Variants in EML6 observed in about 807,000 individuals in gnomAD.
EML6 encodes the protein EMAP like 6.
In EML6, 154 loss-of-function variants were observed where a neutral mutation model predicts 240.1. The observed-to-expected ratio is 0.64, with a 90% CI of 0.56 to 0.73. The LOEUF (loss-of-function observed/expected upper bound fraction) is 0.73. Among genes scored for constraint, EML6 ranks in the 30% least tolerant of loss-of-function variants. The pLI, the probability that EML6 is intolerant of heterozygous loss-of-function variation, is 0.00. For missense variants in EML6, 2,964 were observed against 2,474.6 expected, an observed-to-expected ratio of 1.20 and a Z score of -4.20; for synonymous variants, 1,148 against 899.0, an observed-to-expected ratio of 1.28 and a Z score of -4.95.
At chr2:54,949,475 C>T (rs1675863145) in intron 29 of EML6, among the ~76,000 whole-genome samples, 2 of 152,132 alleles carry the variant, frequency 1.3e-5, no homozygotes, top group Non-Finnish European at 2.9e-5. Context: ...AGGGAGTTAT[C>T]AGGTCCCAAG....
intron 23 of EML6, 36 bp downstream of exon 23, chr2:54,903,232 A>T (rs1436237258): frequency 5.2e-6 from 8 of 1,543,506 alleles, no homozygotes; most frequent in Non-Finnish European, 7.0e-6. Flanking sequence ...AAAATAGCAC[A>T]GTCTTGGGAC....
At chr2:54,838,888 C>A (rs1051809571) in intron 7 of EML6, among the ~76,000 whole-genome samples, 1 of 152,172 alleles carries the variant, frequency 6.6e-6, no homozygotes, top group Non-Finnish European at 1.5e-5. Context: ...ATGTGTATTT[C>A]TCCAGGAAAG....
Position 54,929,715 on chromosome 2 carries a change from CTCCTCCTCCTCCTGCTTA to C in EML6, c.4004+965_4004+982del, listed in dbSNP as rs1674754281. ...TAACCTCCTCCTCCTCCTCCTCCTC[CTCCTCCTCCTCCTGCTTA>C]AATTCAGTGCCAGATGTTAAAATAA... On this transcript the variant is annotated intron_variant, in intron 28 of 41. Transcript: ENST00000356458. 2.6e-5 allele frequency among the ~76,000 whole-genome samples: 4 copies of C among 151,880 alleles called. No homozygotes were observed. In the South Asian group the frequency reaches 8.3e-4, roughly 32 times the overall value.
chr2:54,852,376 ACTTCAT>A (rs1670137612), intron 10 of EML6, among the ~76,000 whole-genome samples: 1 of 152,160 alleles, frequency 6.6e-6, no homozygotes, highest in African/African-American at 2.4e-5. Context: ...GCTTGACGTT[ACTTCAT>A]ATATTTTTTC....
rs1017275025 is a variant in EML6 at position 54,816,354 on chromosome 2, TTATTC to T, written c.358-427_358-423del. On this transcript the variant is annotated intron_variant, in intron 3 of 41. Coordinates refer to ENST00000356458, the MANE Select transcript of EML6 (RefSeq NM_001039753.4). Reference sequence around the variant, plus strand: ...TAGAAAACTAAAAATTAATGTTCATTTATTCTATTCGTCAAACCCTTAAATTTTAG... The same window carrying T: ...TAGAAAACTAAAAATTAATGTTCATTTATTCGTCAAACCCTTAAATTTTAG... Among the ~76,000 whole-genome samples the T allele has an allele frequency of 8.3e-4, 126 of 152,330 alleles. 1 individual carries two copies. Among genetic ancestry groups the T allele is most frequent in the African/African-American group, 2.7e-3 (114 of 41,564 alleles).
At chr2:54,931,863 A>T (rs1292114217) in intron 28 of EML6, among the ~76,000 whole-genome samples, 2 of 152,230 alleles carry the variant, frequency 1.3e-5, no homozygotes, top group Non-Finnish European at 2.9e-5. Context: ...AGAAACCTTG[A>T]GATGACTGTA....
At chr2:54,948,594 T>TCCTGCTCCC (rs1022689641) in intron 28 of EML6, among the ~76,000 whole-genome samples, 3 of 152,208 alleles carry the variant, frequency 2.0e-5, no homozygotes, top group African/African-American at 7.2e-5. Flanking sequence ...CACATGTTCT[T>TCCTGCTCCC]CCTGCTCCCC....
chr2:54,927,436 G>C (rs1374545161), intron 26 of EML6, among the ~76,000 whole-genome samples: 1 of 152,204 alleles, frequency 6.6e-6, no homozygotes, highest in Non-Finnish European at 1.5e-5. Flanking sequence ...CACAACCTCA[G>C]AGAGTGCATG....
chr2:54,823,514 A>G (rs1001484130), intron 5 of EML6, among the ~76,000 whole-genome samples: 1 of 152,208 alleles, frequency 6.6e-6, no homozygotes, highest in African/African-American at 2.4e-5. Flanking sequence ...AAACTAGCCA[A>G]TAAATCACGG....
intron 17 of EML6, 176 bp downstream of exon 17, chr2:54,879,816 G>A: frequency 1.7e-6 from 1 of 593,952 alleles, no homozygotes. Flanking sequence ...CTGACTTAGA[G>A]CAGGTCATGT....
rs1669623952 is a variant in EML6 at position 54,794,092 on chromosome 2, C to G, written c.198-19140C>G. Among the ~76,000 whole-genome samples the G allele has an allele frequency of 2.0e-5, 3 of 152,098 alleles. No individual in the cohort carries two copies. The South Asian group carries it at 6.2e-4, about 32-fold the overall frequency. On this transcript the variant is annotated intron_variant, in intron 2 of 41. Coordinates refer to ENST00000356458, the MANE Select transcript of EML6 (RefSeq NM_001039753.4). ...ACTAAGTATATTCCATATATTATCT[C>G]AAATAAATCTTATCCCAGTGAAGTA...
At chr2:54,751,420 G>C (rs977849965) in intron 2 of EML6, among the ~76,000 whole-genome samples, 1 of 152,014 alleles carries the variant, frequency 6.6e-6, no homozygotes, top group Non-Finnish European at 1.5e-5. Context: ...TGAGCAGAAG[G>C]TTCACAAGGA....
chr2:54,857,564 A>G (rs1275435184), intron 11 of EML6, among the ~76,000 whole-genome samples: 1 of 152,210 alleles, frequency 6.6e-6, no homozygotes, highest in Admixed American at 6.5e-5. Context: ...GAAAATATAA[A>G]CATCTGATTG....
intron 28 of EML6, among the ~76,000 whole-genome samples, chr2:54,943,010 G>T (rs1177006365): frequency 6.6e-6 from 1 of 152,108 alleles, no homozygotes; most frequent in Non-Finnish European, 1.5e-5. Context: ...CGTTGGCACA[G>T]ATGGCCACCA....
chr2:54,846,280 A>G (rs573433755), intron 8 of EML6, among the ~76,000 whole-genome samples: 1 of 152,046 alleles, frequency 6.6e-6, no homozygotes, highest in South Asian at 2.1e-4. Flanking sequence ...AAGGCCAACA[A>G]ATGTAACATA....
intron 2 of EML6, among the ~76,000 whole-genome samples, chr2:54,757,720 C>T (rs1189763315): frequency 1.3e-5 from 2 of 152,080 alleles, no homozygotes; most frequent in African/African-American, 2.4e-5. Context: ...CTCCAGCCTT[C>T]AGGATATGTA....
chr2:54,726,758 GAAAAGGTTAGATGTTTA>G (rs1186319035), intron 2 of EML6, among the ~76,000 whole-genome samples: 1 of 152,234 alleles, frequency 6.6e-6, no homozygotes, highest in Admixed American at 6.5e-5. Flanking sequence ...AATGACTCAT[GAAAAGGTTAGATGTTTA>G]AAAATTTAAA....
intron 21 of EML6, among the ~76,000 whole-genome samples, chr2:54,898,611 T>C (rs374687572): frequency 6.6e-6 from 1 of 152,244 alleles, no homozygotes; most frequent in African/African-American, 2.4e-5. Context: ...CAAATTACTG[T>C]TTTGCTCAAA....
chr2:54,867,065 TC>T, intron 14 of EML6, 181 bp downstream of exon 14: 1 of 455,998 alleles, frequency 2.2e-6, no homozygotes, highest in Non-Finnish European at 4.1e-6. Flanking sequence ...TCTATCCACT[TC>T]CCTCGTTGAT....
Sources: allele counts gnomAD v4.1 joint callset (sites outside exome capture counted in the v4.1 genomes callset), GRCh38; gene constraint gnomAD v4.1.1; transcripts MANE v1.5; gene names NCBI Gene and HGNC (gene_info 2026-07-23, HGNC 2026-07-21).